Variants in ADD3 observed in about 807,000 individuals in gnomAD.
ADD3 encodes the protein gamma-adducin.
In ADD3, 25 loss-of-function variants were observed where a neutral mutation model predicts 80.2. The observed-to-expected ratio is 0.31, with a 90% confidence interval of 0.23 to 0.44. The LOEUF is 0.44. Among genes scored for constraint, ADD3 ranks in the 20% least tolerant of loss-of-function variants. The pLI is 1.00. For missense variants in ADD3, 829 were observed against 847.5 expected (o/e 0.98, Z 0.27); for synonymous variants, 284 against 289.6 (o/e 0.98, Z 0.20).
intron 2 of ADD3, among the ~76,000 whole-genome samples, chr10:110,111,681 A>G (rs1850025604): frequency 1.3e-5 from 2 of 152,138 alleles, no homozygotes; most frequent in Non-Finnish European, 2.9e-5. Flanking sequence ...TTCGGAAGGC[A>G]GAGGTGGGCG....
chr10:110,070,488 T>C (rs1287984212), intron 1 of ADD3, among the ~76,000 whole-genome samples: 1 of 152,248 alleles, frequency 6.6e-6, no homozygotes, highest in Non-Finnish European at 1.5e-5. Flanking sequence ...ATGTGATCAG[T>C]ACTGCTGTAG....
At position 110,108,987 on chromosome 10, in the gene ADD3, A is replaced by G. The variant is rs777572653; in HGVS notation, c.196-3790A>G. Among the ~76,000 whole-genome samples, 17 of 152,196 alleles carry G rather than the reference A, an allele frequency of 1.1e-4. No individual in the cohort carries two copies. In the South Asian group the frequency reaches 1.7e-3, roughly 15 times the overall value. The stretch of plus-strand genomic sequence containing the variant: ...TTCAGAAGAGCTTATACATCGCTCT[A>G]TGACACCATAGCTATCCCAAAGGTT... On this transcript the variant is annotated intron_variant, in intron 2 of 14. Transcript: ENST00000356080.
At chr10:110,103,804 G>A (rs891135975) in intron 2 of ADD3, among the ~76,000 whole-genome samples, 3 of 152,122 alleles carry the variant, frequency 2.0e-5, no homozygotes, top group Non-Finnish European at 4.4e-5. Flanking sequence ...GTGCTCAAGC[G>A]ATCCTCTTGC....
chr10:110,095,630 T>C (rs941861576), intron 1 of ADD3, among the ~76,000 whole-genome samples: 1 of 152,228 alleles, frequency 6.6e-6, no homozygotes, highest in African/African-American at 2.4e-5. Flanking sequence ...AGTTGATAGA[T>C]GTTTGGGTTG....
rs1855984132 is a variant in ADD3 at position 110,039,008 on chromosome 10, C to T, written c.-30+30709C>T. On this transcript the variant is annotated intron_variant, in intron 1 of 14. Transcript: ENST00000356080. ...TATGTGTGTTTGGAGGGTATTACCA[C>T]AGTGTTTCCTAGCGATTATTTCTGT... 2.6e-5 allele frequency among the ~76,000 whole-genome samples: 4 copies of T among 152,310 alleles called. No individual in the cohort carries two copies. The South Asian group carries it at 6.2e-4, about 24-fold the overall frequency.
intron 1 of ADD3, among the ~76,000 whole-genome samples, chr10:110,008,889 A>G (rs1851984835): frequency 6.6e-6 from 1 of 152,114 alleles, no homozygotes; most frequent in Admixed American, 6.6e-5. Flanking sequence ...ACAAACGTAT[A>G]CATGTTAGGT....
intron 1 of ADD3, among the ~76,000 whole-genome samples, chr10:110,082,151 A>G (rs921654316): frequency 5.9e-5 from 9 of 152,214 alleles, no homozygotes; most frequent in African/African-American, 2.2e-4. Flanking sequence ...TTGCTGAGAC[A>G]ACCACAGTGA....
rs775202288 is a variant in ADD3 at position 110,133,312 on chromosome 10, C to G, written c.1829-14C>G. The G allele has an allele frequency of 7.7e-6, 12 of 1,558,142 alleles. No individual in the cohort carries two copies. The highest frequency in any genetic ancestry group is 3.5e-6 in the Non-Finnish European group (4 of 1,147,476). ...TATGTAAAATAACCCCCAAAAAACC[C>G]TCCCCTTTCGTAGAAAACCATGAGC... is the stretch of plus-strand genomic sequence containing the variant. On this transcript the variant is annotated splice_polypyrimidine_tract_variant and intron_variant, in intron 14 of 14. Transcript: ENST00000356080.
At position 110,119,349 on chromosome 10, in the gene ADD3, T is replaced by C. The variant is rs1352100083; in HGVS notation, c.856T>C (p.Cys286Arg). Residue 286 changes from cysteine (C) to arginine (R), a missense_variant, in exon 7 of 15, where the codon TGT becomes CGT. Transcript: ENST00000356080. ...IQLQKVLGPS[C>R]KVLVLRNHGV... ...ACTGCAGAAGGTTCTGGGACCAAGT[T>C]GTAAGGTATGTAGTAGAGTTTGTCT... is the stretch of plus-strand genomic sequence containing the variant. The C allele has an allele frequency of 6.2e-7, 1 of 1,614,002 alleles. No homozygotes were observed.
intron 1 of ADD3, among the ~76,000 whole-genome samples, chr10:110,067,143 G>A (rs540969915): frequency 2.2e-4 from 34 of 152,248 alleles, no homozygotes; most frequent in African/African-American, 7.7e-4. Context: ...TTAATGCTTA[G>A]AAAAATCAGT....
At chr10:110,025,443 C>G (rs1225730533) in intron 1 of ADD3, among the ~76,000 whole-genome samples, 9 of 152,116 alleles carry the variant, frequency 5.9e-5, no homozygotes, top group Non-Finnish European at 8.8e-5. Flanking sequence ...AGCAAGTCCC[C>G]TAGTTAATAG....
intron 1 of ADD3, among the ~76,000 whole-genome samples, chr10:110,095,123 G>T (rs1193754014): frequency 6.6e-6 from 1 of 152,196 alleles, no homozygotes; most frequent in Non-Finnish European, 1.5e-5. Flanking sequence ...CCCCATTTAT[G>T]GAGTTCTCGC....
chr10:110,132,715 CAG>C, intron 14 of ADD3: 1 of 249,050 alleles, frequency 4.0e-6, no homozygotes, highest in South Asian at 4.7e-5. Flanking sequence ...ATCACGAGGT[CAG>C]GAGATCAAGA....
chr10:110,031,501 G>A (rs1320752000), intron 1 of ADD3, among the ~76,000 whole-genome samples: 1 of 152,144 alleles, frequency 6.6e-6, no homozygotes, highest in African/African-American at 2.4e-5. Context: ...AGCCAGCCTG[G>A]TTCTAGAACC....
At chr10:110,125,976 A>T in intron 11 of ADD3, 31 bp downstream of exon 11, 1 of 1,569,054 alleles carries the variant, frequency 6.4e-7, no homozygotes, top group Non-Finnish European at 8.7e-7. Flanking sequence ...GCCAGGGGAG[A>T]CATTTTAATT....
At chr10:110,127,348 G>T (rs1011726813) in intron 12 of ADD3, among the ~76,000 whole-genome samples, 5 of 152,222 alleles carry the variant, frequency 3.3e-5, no homozygotes, top group Admixed American at 3.3e-4. Flanking sequence ...GCTGGGTGCA[G>T]TGGCTCACGC....
intron 1 of ADD3, among the ~76,000 whole-genome samples, chr10:110,086,120 AAAAG>A (rs995196533): frequency 2.6e-5 from 4 of 151,664 alleles, no homozygotes; most frequent in Non-Finnish European, 5.9e-5. Flanking sequence ...AACAGAAAGA[AAAAG>A]AAAAAGGCTG....
intron 1 of ADD3, among the ~76,000 whole-genome samples, chr10:110,064,125 A>G (rs1430846383): frequency 1.3e-5 from 2 of 152,164 alleles, no homozygotes; most frequent in African/African-American, 4.8e-5. Flanking sequence ...TTTTATGAAC[A>G]TAAAATAATT....
intron 1 of ADD3, among the ~76,000 whole-genome samples, chr10:110,042,150 G>A (rs1263796233): frequency 6.6e-6 from 1 of 152,180 alleles, no homozygotes; most frequent in Non-Finnish European, 1.5e-5. Context: ...TTCTATAGTA[G>A]TTTTAATTTT....
Sources: gnomAD v4.1 joint callset for allele counts (sites outside exome capture counted in the v4.1 genomes callset) on GRCh38, gnomAD v4.1.1 for gene constraint, MANE v1.5 for transcripts, NCBI Gene and HGNC (gene_info 2026-07-23, HGNC 2026-07-21) for gene names.